FOXP1: variants seen among roughly 807,000 people sequenced by gnomAD.
FOXP1 encodes forkhead box protein P1.
Under a neutral mutation model 98.2 loss-of-function variants are expected in FOXP1, and 15 were observed. The ratio of observed to expected loss-of-function variants is 0.15; its 90% CI spans 0.10 to 0.24. FOXP1 has a LOEUF of 0.24. Among genes scored for constraint, FOXP1 ranks in the 10% least tolerant of loss-of-function variants. FOXP1 has a pLI of 1.00. For synonymous variants in FOXP1, 371 were observed against 314.5 expected, an observed-to-expected ratio of 1.18 and a Z score of -1.90; for missense variants, 633 against 848.5, an observed-to-expected ratio of 0.75 and a Z score of 3.15.
chr3:71,035,237 C>T (rs1486623262), intron 11 of FOXP1, among the ~76,000 whole-genome samples: 3 of 152,100 alleles, frequency 2.0e-5, no homozygotes, highest in African/African-American at 7.2e-5. Flanking sequence ...AATTCCTGCA[C>T]CCCATCTCAG....
At chr3:71,020,752 ATC>A (rs1031625526) in intron 11 of FOXP1, among the ~76,000 whole-genome samples, 1 of 152,130 alleles carries the variant, frequency 6.6e-6, no homozygotes, top group African/African-American at 2.4e-5. Flanking sequence ...CCAAGTTCTC[ATC>A]TGTCTTTTAA....
chr3:71,470,058 T>C (rs1405142919), intron 3 of FOXP1, among the ~76,000 whole-genome samples: 1 of 151,734 alleles, frequency 6.6e-6, no homozygotes, highest in Non-Finnish European at 1.5e-5. Context: ...TAAAATAAAA[T>C]ATTAATAAAA....
chr3:71,375,866 T>C (rs1207456963), intron 3 of FOXP1, among the ~76,000 whole-genome samples: 1 of 152,186 alleles, frequency 6.6e-6, no homozygotes, highest in African/African-American at 2.4e-5. Flanking sequence ...ATGGTGTCAC[T>C]GGAGTGTTAA....
intron 5 of FOXP1, among the ~76,000 whole-genome samples, chr3:71,281,926 G>T (rs71298375): frequency 0.052 from 7,394 of 141,988 alleles, 244 homozygotes; most frequent in Non-Finnish European, 0.081. Context: ...GCAAACCTCT[G>T]TCTCTACTAA....
intron 3 of FOXP1, among the ~76,000 whole-genome samples, chr3:71,416,502 A>C (rs2083224531): frequency 6.6e-6 from 1 of 151,578 alleles, no homozygotes; most frequent in Non-Finnish European, 1.5e-5. Flanking sequence ...CTATGATTAC[A>C]CTACTGCACT....
At chr3:71,578,851 A>G (rs1578260130) in intron 2 of FOXP1, among the ~76,000 whole-genome samples, 1 of 152,262 alleles carries the variant, frequency 6.6e-6, no homozygotes, top group Admixed American at 6.5e-5. Context: ...CCTAGGCTCA[A>G]TATTAACTCA....
At chr3:71,528,448 G>C (rs1003577267) in intron 2 of FOXP1, among the ~76,000 whole-genome samples, 3 of 152,198 alleles carry the variant, frequency 2.0e-5, no homozygotes, top group Non-Finnish European at 4.4e-5. Flanking sequence ...ACAGAGCTGT[G>C]ATTGCCATCA....
intron 3 of FOXP1, among the ~76,000 whole-genome samples, chr3:71,483,741 A>G (rs1329669579): frequency 1.3e-5 from 2 of 152,170 alleles, no homozygotes; most frequent in Non-Finnish European, 2.9e-5. Context: ...TACAGAAAAG[A>G]TTCGCTGATC....
intron 5 of FOXP1, among the ~76,000 whole-genome samples, chr3:71,284,596 C>T (rs1156343413): frequency 6.6e-6 from 1 of 151,984 alleles, no homozygotes; most frequent in Non-Finnish European, 1.5e-5. Flanking sequence ...CACAAATATG[C>T]CAACTGCAAC....
rs6772332 is a variant in FOXP1 at position 71,316,430 on chromosome 3, T to C, written c.-72-16550A>G. ...CCATCACCCCAGATGCTCTGATAGG[T>C]CCCTTTCCAAGGCTAGATGCAAGGA... On this transcript the variant is annotated intron_variant, in intron 4 of 20. Coordinates refer to ENST00000649528, the MANE Select transcript of FOXP1 (RefSeq NM_001349338.3). 9.3e-3 allele frequency among the ~76,000 whole-genome samples: 1,421 copies of C among 152,068 alleles called. 25 individuals are homozygous for C. The highest frequency in any genetic ancestry group is 0.033 in the African/African-American group (1,357 of 41,458).
At chr3:71,561,407 C>CAAAAAAAA (rs56792827) in intron 2 of FOXP1, among the ~76,000 whole-genome samples, 1 of 40,312 alleles carries the variant, frequency 2.5e-5, no homozygotes, top group Non-Finnish European at 7.1e-5. Flanking sequence ...TAAAGCTGGC[C>CAAAAAAAA]AAAAAAAAAA....
intron 3 of FOXP1, among the ~76,000 whole-genome samples, chr3:71,452,114 G>A (rs2087015201): frequency 6.6e-6 from 1 of 152,092 alleles, no homozygotes; most frequent in Non-Finnish European, 1.5e-5. Flanking sequence ...TACTGGCGAC[G>A]TCTCTAAAAT....
chr3:71,518,973 C>T (rs1020202708), intron 2 of FOXP1, among the ~76,000 whole-genome samples: 4 of 152,200 alleles, frequency 2.6e-5, no homozygotes, highest in Non-Finnish European at 2.9e-5. Flanking sequence ...AGGCCAGGTG[C>T]GGTGGCTCAC....
intron 2 of FOXP1, among the ~76,000 whole-genome samples, chr3:71,544,447 G>T (rs2045189476): frequency 6.6e-6 from 1 of 151,364 alleles, no homozygotes; most frequent in African/African-American, 2.4e-5. Context: ...AGACTCTGCT[G>T]ATCGTGGAAG....
intron 5 of FOXP1, among the ~76,000 whole-genome samples, chr3:71,218,560 T>C (rs1048605011): frequency 6.6e-6 from 1 of 152,144 alleles, no homozygotes; most frequent in Admixed American, 6.5e-5. Context: ...GCAAAACTCT[T>C]AAAGCAGGGG....
intron 19 of FOXP1, chr3:70,970,435 G>C (rs1217638687): frequency 9.4e-6 from 4 of 424,002 alleles, no homozygotes; most frequent in Admixed American, 7.1e-5. Context: ...AATTACACTT[G>C]TGGTATTTTT....
chr3:71,281,657 A>G (rs1430344265), intron 5 of FOXP1, among the ~76,000 whole-genome samples: 4 of 152,234 alleles, frequency 2.6e-5, no homozygotes, highest in Admixed American at 6.5e-5. Context: ...TGTTAGAGCC[A>G]ATGAACCTCA....
rs139928110 is a variant in FOXP1 at position 71,521,306 on chromosome 3, C to T, written c.-297-27751G>A. ...CAGTACTTTGGGAGGCCGAGTGAAT[C>T]GCCTGAGGTCAGGAGTTTGAGACCA... On this transcript the variant is annotated intron_variant, in intron 2 of 20. Transcript: ENST00000649528. 9.5e-3 allele frequency among the ~76,000 whole-genome samples: 1,445 copies of T among 152,206 alleles called. 31 individuals carry two copies. The highest frequency in any genetic ancestry group is 0.033 in the African/African-American group (1,381 of 41,528).
In FOXP1 at chr3:70,958,239, A is replaced by C. The variant is rs577554096; in HGVS notation, c.*1008T>G. 2 of 482,502 alleles carry C rather than the reference A, an allele frequency of 4.1e-6. No homozygotes were observed. The highest frequency in any genetic ancestry group is 4.0e-5 in the East Asian group (1 of 25,118). The allele number at this position is 482,502 out of a possible 1,614,324, so 29.9% of individuals were successfully genotyped here. A position where few individuals can be genotyped will look rare whatever the true frequency, so the allele number is the denominator to read the frequency against. On this transcript the variant is annotated 3_prime_UTR_variant, in exon 21 of 21. Coordinates refer to ENST00000649528, the MANE Select transcript of FOXP1 (RefSeq NM_001349338.3). Reference sequence around the variant, plus strand: ...AGAAAAGAAAAAAAGAAAATCCGAAACACCCCTCCCCCGAACCACCCCCAA... The same window carrying C: ...AGAAAAGAAAAAAAGAAAATCCGAACCACCCCTCCCCCGAACCACCCCCAA...
Sources: gnomAD v4.1 joint callset for allele counts (sites outside exome capture counted in the v4.1 genomes callset) on GRCh38, gnomAD v4.1.1 for gene constraint, MANE v1.5 for transcripts, NCBI Gene and HGNC (gene_info 2026-07-23, HGNC 2026-07-21) for gene names.